Variants in ADAMTS8 observed in about 807,000 individuals in gnomAD.
The protein encoded by ADAMTS8 is A disintegrin and metalloproteinase with thrombospondin motifs 8.
In ADAMTS8, 50 loss-of-function variants were observed where a neutral mutation model predicts 64.4. That is an observed-to-expected ratio of 0.78 (90% CI 0.62 to 0.98). The LOEUF (loss-of-function observed/expected upper bound fraction) is 0.98. ADAMTS8 is among the 50% of genes least tolerant of loss of function. ADAMTS8 has a pLI of 0.00. For synonymous variants in ADAMTS8, 556 were observed against 533.6 expected (o/e 1.04, Z -0.58); for missense variants, 1,192 against 1,208.2 (o/e 0.99, Z 0.20).
rs765851161 is a variant in ADAMTS8, at chr11:130,427,582, G to A, written c.705C>T (p.Tyr235=). 26 of 1,538,718 alleles carry A rather than the reference G, an allele frequency of 1.7e-5. No individual in the cohort carries two copies. Among genetic ancestry groups the A allele is most frequent in the Admixed American group, 2.0e-5 (1 of 50,888 alleles). The change falls in exon 1 of 9, where the codon TAC becomes TAT. Residue 235 remains tyrosine, a synonymous_variant. Coordinates refer to ENST00000257359, the MANE Select transcript of ADAMTS8 (RefSeq NM_007037.6). ...LVADASMAAF[Y]GADLQNHILT... is the part of the protein sequence containing the mutation. ...TCAGTCCTACCTGCAGGTCGGCCCC[G>A]TAGAAGGCAGCCATGGACGCATCGG...
intron 1 of ADAMTS8, among the ~76,000 whole-genome samples, chr11:130,427,036 T>C (rs1173533611): frequency 6.6e-6 from 1 of 152,246 alleles, no homozygotes. Flanking sequence ...CTCTCCAGGT[T>C]CAGCTCCTTT....
rs1355346318 is a variant in ADAMTS8, at chr11:130,419,271, A to T, written c.742T>A (p.Ser248Thr). The change falls in exon 2 of 9, where the codon TCT becomes ACT. Residue 248 changes from serine to threonine, a missense_variant. Ser to Thr is a moderately conservative substitution (Grantham distance 58, BLOSUM62 1). Coordinates refer to ENST00000257359, the MANE Select transcript of ADAMTS8 (RefSeq NM_007037.6). ...DLQNHILTLM[S>T]VAARIYKHPS... ...TGCTTGTAGATTCGGGCTGCCACAGACATTAACGTCAGGATGTGGTTCTGT... is the reference window on the plus strand; with the variant it reads ...TGCTTGTAGATTCGGGCTGCCACAGTCATTAACGTCAGGATGTGGTTCTGT... 1 of 1,613,810 alleles carries T rather than the reference A, an allele frequency of 6.2e-7. No homozygotes were observed. The highest frequency in any genetic ancestry group is 8.5e-7 in the Non-Finnish European group (1 of 1,180,046).
rs1255144112 is a variant in ADAMTS8, at chr11:130,408,811, C to G, written c.1880G>C (p.Cys627Ser). The G allele has an allele frequency of 1.9e-6, 3 of 1,614,034 alleles. No homozygotes were observed. Among genetic ancestry groups the G allele is most frequent in the Non-Finnish European group, 2.5e-6 (3 of 1,180,034 alleles). ...VSPRDRCKLF[C>S]RARGRSEFKV... Reference sequence around the variant, plus strand: ...GAACTCGCTCCTCCCCCGGGCTCGGCAGAACAACTTGCAGCGGTCCCGGGG... The same window carrying G: ...GAACTCGCTCCTCCCCCGGGCTCGGGAGAACAACTTGCAGCGGTCCCGGGG... Residue 627 changes from cysteine (C) to serine (S), a missense_variant, in exon 7 of 9, where the codon TGC (cysteine) becomes TCC (serine). By Grantham distance (112) the Cys-to-Ser change is moderately radical. This residue lies in a region of ADAMTS8 where 290 missense variants were observed against 297.8 expected (regional missense o/e 0.97). Coordinates refer to ENST00000257359, the MANE Select transcript of ADAMTS8 (RefSeq NM_007037.6).
chr11:130,405,998 G>C lies in ADAMTS8; in HGVS notation c.2230C>G (p.Leu744Val), dbSNP rs1425527276. 1.2e-6 allele frequency: 2 copies of C among 1,614,226 alleles called. No individual in the cohort carries two copies. Among genetic ancestry groups the C allele is most frequent in the Non-Finnish European group, 1.7e-6 (2 of 1,180,050 alleles). ...GCAGAGATGGCCAGGTTGCCGTTGA[G>C]CAGGTACTGCCCATCAGCCGTCTTC... ...ALKTADGQYL[L>V]NGNLAISAIE... Residue 744 changes from leucine (L) to valine (V), a missense_variant, in exon 9 of 9, where the codon CTC becomes GTC. By Grantham distance (32) the Leu-to-Val change is conservative (BLOSUM62 1). This residue lies in a region of ADAMTS8 where 290 missense variants were observed against 297.8 expected (regional missense o/e 0.97). Transcript: ENST00000257359.
rs199710937 is a variant in ADAMTS8, at chr11:130,414,733, A to T, written c.1364T>A (p.Ile455Asn). The change falls in exon 5 of 9, where the codon ATC (isoleucine) becomes AAC (asparagine). Residue 455 changes from isoleucine (I) to asparagine (N), a missense_variant. Transcript: ENST00000257359. Reference sequence around the variant, plus strand: ...GCAGTGGCGGAAATCCGGCCCAAAGATCTGCCTGCACTGCTGGTCCAGCTG... The same window carrying T: ...GCAGTGGCGGAAATCCGGCCCAAAGTTCTGCCTGCACTGCTGGTCCAGCTG... Reference protein sequence around the residue: ...LYQLDQQCRQIFGPDFRHCPN... With the variant: ...LYQLDQQCRQNFGPDFRHCPN... The T allele has an allele frequency of 2.3e-4, 372 of 1,613,622 alleles. 2 individuals are homozygous for T. In the African/African-American group the frequency reaches 4.7e-3, roughly 20 times the overall value.
rs1470060210 is a variant in ADAMTS8, at chr11:130,405,801, A to G, written c.2427T>C (p.Pro809=). Residue 809 remains proline, a synonymous_variant, in exon 9 of 9, where the codon CCT becomes CCC. Coordinates refer to ENST00000257359, the MANE Select transcript of ADAMTS8 (RefSeq NM_007037.6). The part of the protein sequence containing the change: ...PPKVKYTFFV[P]NDVDFSMQSS... ...TCTGCATGCTAAAGTCCACGTCATT[A>G]GGAACAAAGAAGGTGTATTTGACTT... The G allele has an allele frequency of 1.9e-6, 3 of 1,613,976 alleles. No homozygotes were observed. Among genetic ancestry groups the G allele is most frequent in the Admixed American group, 1.7e-5 (1 of 60,016 alleles).
intron 8 of ADAMTS8, among the ~76,000 whole-genome samples, chr11:130,406,926 A>G (rs1281479594): frequency 6.8e-6 from 1 of 148,094 alleles, no homozygotes; most frequent in Non-Finnish European, 1.5e-5. Flanking sequence ...TTCTTACCAT[A>G]TGTCCAGCTG....
rs1183176303 is a variant in ADAMTS8, at chr11:130,405,751, T to C, written c.2477A>G (p.Asn826Ser). ...TGCGTGGAGCAGCGGCTGGATGATG[T>C]TGGTGGTTGCTCTCTCTTTGCTGCT... ...MQSSKERATT[N>S]IIQPLLHAQW... Residue 826 changes from asparagine (N) to serine (S), a missense_variant, in exon 9 of 9, where the codon AAC (asparagine) becomes AGC (serine). Physicochemically the swap from Asn to Ser is conservative, Grantham distance 46. Around this residue, in one of 5 missense-constraint regions of ADAMTS8, gnomAD observed 147 missense variants for 154.1 expected, o/e 0.95. Transcript: ENST00000257359. The C allele has an allele frequency of 6.2e-7, 1 of 1,614,198 alleles. No homozygotes were observed. The highest frequency in any genetic ancestry group is 1.1e-5 in the South Asian group (1 of 91,090).
At position 130,427,882 on chromosome 11, in the gene ADAMTS8, G is replaced by T; in HGVS notation, c.405C>A (p.Ile135=). ...GGGAGCCCCCCGCGCCCTGCGGCTG[G>T]ATGGTGAACTCCTCGCCGTCCAGCA... The part of the protein sequence containing the change: ...SFLLDGEEFT[I]QPQGAGGSLA... The change falls in exon 1 of 9, where the codon ATC becomes ATA. Residue 135 remains isoleucine (I), a synonymous_variant. Coordinates refer to ENST00000257359, the MANE Select transcript of ADAMTS8 (RefSeq NM_007037.6). 6.5e-7 allele frequency: 1 copy of T among 1,535,050 alleles called. No homozygotes were observed. The highest frequency in any genetic ancestry group is 8.7e-7 in the Non-Finnish European group (1 of 1,146,112).
rs1216726971 is a variant in ADAMTS8 at position 130,411,453 on chromosome 11, A to G, written c.1714T>C (p.Tyr572His). ...CATTCCTCCGTGTGGCATGACTGGTACTTGGCTCTCCGACCCAGGCAGTAT... is the reference window on the plus strand; with the variant it reads ...CATTCCTCCGTGTGGCATGACTGGTGCTTGGCTCTCCGACCCAGGCAGTAT... The part of the protein sequence containing the change: ...GRYCLGRRAK[Y>H]QSCHTEECPP... The change falls in exon 6 of 9, where the codon TAC (tyrosine) becomes CAC (histidine). Residue 572 changes from tyrosine to histidine, a missense_variant. Around this residue, in one of 5 missense-constraint regions of ADAMTS8, gnomAD observed 290 missense variants for 297.8 expected, o/e 0.97. Coordinates refer to ENST00000257359, the MANE Select transcript of ADAMTS8 (RefSeq NM_007037.6). This position sits in a 1 kb window ranked among gnomAD's most constrained non-coding sequence, Gnocchi z 4.2. The G allele has an allele frequency of 1.2e-6, 2 of 1,614,056 alleles. No individual in the cohort carries two copies. The highest frequency in any genetic ancestry group is 3.3e-5 in the Admixed American group (2 of 60,004).
rs576829257 is a variant in ADAMTS8 at position 130,427,459 on chromosome 11, T to C, written c.720+108A>G. On this transcript the variant is annotated intron_variant, in intron 1 of 8. Transcript: ENST00000257359. ...AAGATGAGTGGGGAGGGCTTTTTTTTTTTTTTTTTTTTTTTCTCAGAGGGA... is the reference window on the plus strand; with the variant it reads ...AAGATGAGTGGGGAGGGCTTTTTTTCTTTTTTTTTTTTTTTCTCAGAGGGA... 42 of 1,061,446 alleles carry C rather than the reference T, an allele frequency of 4.0e-5. 1 individual carries two copies. In the African/African-American group the frequency reaches 6.4e-4, roughly 16 times the overall value. The allele number at this position is 1,061,446 out of a possible 1,614,324, so 65.8% of individuals were successfully genotyped here.
Position 130,405,458 on chromosome 11 carries a change from C to A in ADAMTS8, c.*100G>T, listed in dbSNP as rs2134669653. 1 of 1,502,494 alleles carries A rather than the reference C, an allele frequency of 6.7e-7. No individual in the cohort carries two copies. The highest frequency in any genetic ancestry group is 2.3e-5 in the East Asian group (1 of 43,956). 93.1% of individuals were successfully genotyped at this position (1,502,494 alleles called of 1,614,324 possible). ...GGGAGGCCTGGGTGGGCCGTGCTGC[C>A]TTGATATGGCCAAGGGACCCAGTCA... On this transcript the variant is annotated 3_prime_UTR_variant, in exon 9 of 9. Transcript: ENST00000257359.
At chr11:130,421,873 C>G (rs1222199625) in intron 1 of ADAMTS8, among the ~76,000 whole-genome samples, 1 of 152,156 alleles carries the variant, frequency 6.6e-6, no homozygotes, top group Non-Finnish European at 1.5e-5. Flanking sequence ...CACCTGGTGC[C>G]GATTTACACC....
Position 130,404,976 on chromosome 11 carries a change from T to C in ADAMTS8, c.*582A>G, listed in dbSNP as rs1861857999. On this transcript the variant is annotated 3_prime_UTR_variant, in exon 9 of 9. Coordinates refer to ENST00000257359, the MANE Select transcript of ADAMTS8 (RefSeq NM_007037.6). ...GACACATTTGCATAAATACTTGAAA[T>C]GGATCCACCCCTGCAGGTGGCAGCC... is the stretch of plus-strand genomic sequence containing the variant. The C allele has an allele frequency of 1.0e-6, 1 of 986,032 alleles. No individual in the cohort carries two copies. The highest frequency in any genetic ancestry group is 1.2e-6 in the Non-Finnish European group (1 of 830,138). The allele number at this position is 986,032 out of a possible 1,614,324, so 61.1% of individuals were successfully genotyped here. A position where few individuals can be genotyped will look rare whatever the true frequency, so the allele number is the denominator to read the frequency against.
At chr11:130,426,340 A>G (rs1862166588) in intron 1 of ADAMTS8, among the ~76,000 whole-genome samples, 1 of 152,192 alleles carries the variant, frequency 6.6e-6, no homozygotes, top group African/African-American at 2.4e-5. Flanking sequence ...CCTTGTCTGG[A>G]CTATTCTGCA....
rs1031384898 is a variant in ADAMTS8, at chr11:130,414,716, G to A, written c.1381C>T (p.Arg461Cys). The A allele has an allele frequency of 9.9e-6, 16 of 1,613,688 alleles. No homozygotes were observed. The highest frequency in any genetic ancestry group is 4.0e-5 in the African/African-American group (3 of 74,938). The part of the protein sequence containing the change: ...QCRQIFGPDF[R>C]HCPNTSAQDV... ...TGAGCAGAGGTGTTGGGGCAGTGGCGGAAATCCGGCCCAAAGATCTGCCTG... is the reference window on the plus strand; with the variant it reads ...TGAGCAGAGGTGTTGGGGCAGTGGCAGAAATCCGGCCCAAAGATCTGCCTG... Residue 461 changes from arginine to cysteine, a missense_variant, in exon 5 of 9, where the codon CGC becomes TGC. Physicochemically the swap from Arg to Cys is radical, Grantham distance 180. Transcript: ENST00000257359.
At chr11:130,413,967 A>C (rs1163035684) in intron 5 of ADAMTS8, among the ~76,000 whole-genome samples, 1 of 152,116 alleles carries the variant, frequency 6.6e-6, no homozygotes, top group Non-Finnish European at 1.5e-5. Context: ...GCAGCTCCCT[A>C]ATGTCTGGAG....
chr11:130,427,713 C>T lies in ADAMTS8; in HGVS notation c.574G>A (p.Glu192Lys). 1.9e-6 allele frequency: 3 copies of T among 1,595,252 alleles called. No individual in the cohort carries two copies. The highest frequency in any genetic ancestry group is 2.6e-6 in the Non-Finnish European group (3 of 1,171,976). The change falls in exon 1 of 9, where the codon GAA becomes AAA. Residue 192 changes from glutamate (E) to lysine (K), a missense_variant. Transcript: ENST00000257359. ...HQEDSEEESQ[E>K]EEAEGASEPP... is the part of the protein sequence containing the mutation. ...TCGCTAGCGCCTTCTGCCTCCTCTTCTTGGCTCTCCTCCTCGCTGTCCTCC... is the reference window on the plus strand; with the variant it reads ...TCGCTAGCGCCTTCTGCCTCCTCTTTTTGGCTCTCCTCCTCGCTGTCCTCC...
chr11:130,428,605 G>A lies in ADAMTS8; in HGVS notation c.-319C>T, dbSNP rs542360238. The A allele has an allele frequency of 1.9e-4, 43 of 221,912 alleles. No individual in the cohort carries two copies. Among genetic ancestry groups the A allele is most frequent in the African/African-American group, 9.8e-4 (42 of 42,660 alleles). 13.7% of individuals were successfully genotyped at this position (221,912 alleles called of 1,614,324 possible). A position where few individuals can be genotyped will look rare whatever the true frequency, so the allele number is the denominator to read the frequency against. ...TCCTGCCTCCTCCCCACCCCGGGAA[G>A]CACCGAGTGGGCTGCCGAGCCCTTC... On this transcript the variant is annotated 5_prime_UTR_variant, in exon 1 of 9. Transcript: ENST00000257359.
Sources: allele counts gnomAD v4.1 joint callset (sites outside exome capture counted in the v4.1 genomes callset), GRCh38; gene constraint gnomAD v4.1.1; regional missense constraint gnomAD v4.1.1; non-coding constraint Gnocchi (gnomAD v3.1); transcripts MANE v1.5; gene names NCBI Gene and HGNC (gene_info 2026-07-23, HGNC 2026-07-21).